Variants in GPSM2 observed in about 807,000 individuals in gnomAD.
The protein encoded by GPSM2 is G protein-signaling modulator 2.
Under a neutral mutation model 78.4 loss-of-function variants are expected in GPSM2, and 58 were observed. The ratio of observed to expected loss-of-function variants is 0.74; its 90% CI spans 0.60 to 0.92. The LOEUF (loss-of-function observed/expected upper bound fraction) is 0.92. Among genes scored for constraint, GPSM2 ranks in the 40% least tolerant of loss-of-function variants. The pLI is 0.00. For synonymous variants in GPSM2, 224 were observed against 280.2 expected, an observed-to-expected ratio of 0.80 and a Z score of 2.00; for missense variants, 700 against 815.5, an observed-to-expected ratio of 0.86 and a Z score of 1.73.
rs1650351045 is a variant in GPSM2 at position 108,917,621 on chromosome 1, T to TG, written c.1264-992_1264-991insG. Among the ~76,000 whole-genome samples the TG allele has an allele frequency of 3.3e-4, 3 of 9,130 alleles. 1 individual carries two copies. In the East Asian group the frequency reaches 5.9e-3, roughly 18 times the overall value. The allele number at this position is 9,130 out of a possible 152,430, so 6.0% of individuals were successfully genotyped here. Reference sequence around the variant, plus strand: ...ACACACACACACACACATATATATATATATATATATATATATATATATATA... The same window carrying TG: ...ACACACACACACACACATATATATATGATATATATATATATATATATATATA... On this transcript the variant is annotated intron_variant, in intron 11 of 14. Coordinates refer to ENST00000264126, the MANE Select transcript of GPSM2 (RefSeq NM_013296.5).
At position 108,934,432 on chromosome 1, in the gene GPSM2, T is replaced by G; in HGVS notation, c.*4492T>G. On this transcript the variant is annotated 3_prime_UTR_variant, in exon 15 of 15. Transcript: ENST00000264126. ...CATCTGTTCATCTTAAAATAAACAC[T>G]TCTTACTTTATGGGATGTAAATATC... 1 of 505,404 alleles carries G rather than the reference T, an allele frequency of 2.0e-6. No homozygotes were observed. The highest frequency in any genetic ancestry group is 3.5e-6 in the Non-Finnish European group (1 of 289,550). 31.3% of individuals were successfully genotyped at this position (505,404 alleles called of 1,614,324 possible). A position where few individuals can be genotyped will look rare whatever the true frequency, so the allele number is the denominator to read the frequency against.
intron 11 of GPSM2, among the ~76,000 whole-genome samples, chr1:108,917,611 C>CACATAT (rs1312607573): frequency 1.1e-3 from 24 of 22,624 alleles, no homozygotes; most frequent in South Asian, 2.4e-3. Context: ...CACACACACA[C>CACATAT]ATATATATAT....
Position 108,930,176 on chromosome 1 carries a change from T to C in GPSM2, c.*236T>C. 1 of 475,544 alleles carries C rather than the reference T, an allele frequency of 2.1e-6. No homozygotes were observed. The highest frequency in any genetic ancestry group is 3.7e-6 in the Non-Finnish European group (1 of 269,296). 29.5% of individuals were successfully genotyped at this position (475,544 alleles called of 1,614,324 possible). On this transcript the variant is annotated 3_prime_UTR_variant, in exon 15 of 15. Coordinates refer to ENST00000264126, the MANE Select transcript of GPSM2 (RefSeq NM_013296.5). The stretch of plus-strand genomic sequence containing the variant: ...GTCTGTGATTACTGCTTGGGATGTG[T>C]TCTTTGGCAGCTTGTGAGATTACTT...
chr1:108,917,424 G>A (rs543244937), intron 11 of GPSM2, among the ~76,000 whole-genome samples: 10 of 150,730 alleles, frequency 6.6e-5, no homozygotes, highest in East Asian at 2.0e-4. Flanking sequence ...AAAATTAGCC[G>A]GGCATGGTGG....
At chr1:108,925,962 G>T (rs1651087037) in intron 14 of GPSM2, among the ~76,000 whole-genome samples, 1 of 152,094 alleles carries the variant, frequency 6.6e-6, no homozygotes, top group Non-Finnish European at 1.5e-5. Context: ...AGGGAAAGCA[G>T]AGTACGGATT....
At chr1:108,899,459 C>T (rs1009554523) in intron 7 of GPSM2, among the ~76,000 whole-genome samples, 3 of 152,136 alleles carry the variant, frequency 2.0e-5, no homozygotes, top group African/African-American at 7.2e-5. Context: ...GAATTTTTTT[C>T]TCTACCTTCC....
intron 6 of GPSM2, 48 bp from the exon 7 acceptor site, chr1:108,898,831 T>C (rs1193555295): frequency 1.3e-6 from 2 of 1,596,770 alleles, no homozygotes; most frequent in African/African-American, 1.3e-5. Context: ...GATTAGATCA[T>C]TCTTCAGTTT....
rs1456647815 is a variant in GPSM2, at chr1:108,929,831, T to C, written c.1946T>C (p.Leu649Pro). Residue 649 changes from leucine to proline, a missense_variant, in exon 15 of 15, where the codon CTT becomes CCT. Physicochemically the swap from Leu to Pro is moderately conservative, Grantham distance 98. Transcript: ENST00000264126. ...QGKRMDEQRV[L>P]LQRDQNRDTD... ...AAGAGAATGGATGAACAGAGAGTTC[T>C]TTTACAAAGAGATCAAAACAGAGAC... 3 of 1,613,978 alleles carry C rather than the reference T, an allele frequency of 1.9e-6. No individual in the cohort carries two copies. The highest frequency in any genetic ancestry group is 2.2e-5 in the South Asian group (2 of 91,092).
intron 1 of GPSM2, among the ~76,000 whole-genome samples, chr1:108,880,467 A>G (rs967066783): frequency 6.6e-6 from 1 of 151,842 alleles, no homozygotes; most frequent in African/African-American, 2.4e-5. Flanking sequence ...GGTGCTGGGC[A>G]CCTGTGGGAG....
intron 2 of GPSM2, among the ~76,000 whole-genome samples, chr1:108,894,903 C>T (rs1203941012): frequency 3.3e-5 from 5 of 152,160 alleles, no homozygotes; most frequent in African/African-American, 1.2e-4. Flanking sequence ...TCATCAGGTA[C>T]ATTTTCTACT....
chr1:108,918,576 G>T, intron 11 of GPSM2, 37 bp from the exon 12 acceptor site: 2 of 1,464,662 alleles, frequency 1.4e-6, no homozygotes, highest in Non-Finnish European at 1.9e-6. Context: ...GGATTTGGGG[G>T]TGTTTATTCA....
intron 10 of GPSM2, among the ~76,000 whole-genome samples, chr1:108,913,103 A>G (rs1649894585): frequency 6.6e-6 from 1 of 152,174 alleles, no homozygotes; most frequent in Admixed American, 6.6e-5. Context: ...TGGGATAGAA[A>G]TTGGTATACC....
In GPSM2 at chr1:108,932,301, A is replaced by G. The variant is rs943425178; in HGVS notation, c.*2361A>G. On this transcript the variant is annotated 3_prime_UTR_variant, in exon 15 of 15. Coordinates refer to ENST00000264126, the MANE Select transcript of GPSM2 (RefSeq NM_013296.5). ...AAGTAAAATTTCAAAAAAGCTTCAC[A>G]ATATAAACCTTAATTTTAATGACAT... 1.3e-5 allele frequency: 2 copies of G among 152,144 alleles called. No individual in the cohort carries two copies. The highest frequency in any genetic ancestry group is 1.3e-4 in the Admixed American group (2 of 15,264). 9.4% of individuals were successfully genotyped at this position (152,144 alleles called of 1,614,324 possible).
intron 13 of GPSM2, 136 bp downstream of exon 13, chr1:108,922,712 T>C: frequency 2.4e-6 from 2 of 827,120 alleles, no homozygotes; most frequent in South Asian, 1.4e-5. Context: ...AATGCTGTTA[T>C]TTATACAGTT....
intron 14 of GPSM2, among the ~76,000 whole-genome samples, chr1:108,925,820 TG>T (rs971289517): frequency 2.6e-5 from 4 of 151,004 alleles, no homozygotes; most frequent in East Asian, 1.9e-4. Flanking sequence ...AAGGCAAATG[TG>T]GGGTTTTTTT....
rs749098259 is a variant in GPSM2 at position 108,918,731 on chromosome 1, C to T, written c.1382C>T (p.Thr461Ile). The T allele has an allele frequency of 3.7e-6, 6 of 1,613,482 alleles. No individual in the cohort carries two copies. In the Admixed American group the frequency reaches 1.0e-4, roughly 27 times the overall value. The change falls in exon 12 of 15, where the codon ACT becomes ATT. Residue 461 changes from threonine to isoleucine, a missense_variant. Coordinates refer to ENST00000264126, the MANE Select transcript of GPSM2 (RefSeq NM_013296.5). Reference protein sequence around the residue: ...KGKKYKTNSSTKVLQDASNSI... With the variant: ...KGKKYKTNSSIKVLQDASNSI... Reference sequence around the variant, plus strand: ...AAAAAATACAAAACGAATTCCTCCACTAAAGTTCTCCAAGATGCCAGTAAT... The same window carrying T: ...AAAAAATACAAAACGAATTCCTCCATTAAAGTTCTCCAAGATGCCAGTAAT...
intron 10 of GPSM2, among the ~76,000 whole-genome samples, chr1:108,912,690 G>A (rs1649850906): frequency 6.6e-6 from 1 of 151,886 alleles, no homozygotes; most frequent in African/African-American, 2.4e-5. Context: ...GCTGCAGTGA[G>A]CTGTGATTGC....
rs201803860 is a variant in GPSM2 at position 108,929,704 on chromosome 1, T to C, written c.1819T>C (p.Ser607Pro). Residue 607 changes from serine to proline, a missense_variant, in exon 15 of 15, where the codon TCC becomes CCC. Physicochemically the swap from Ser to Pro is moderately conservative, Grantham distance 74 (BLOSUM62 -1). Transcript: ENST00000264126. Reference protein sequence around the residue: ...FFDILVKCQGSRLDDQRCAPP... With the variant: ...FFDILVKCQGPRLDDQRCAPP... ...AATCTCTCTCATAAACTTCTAGGGA[T>C]CCAGATTAGATGATCAAAGATGTGC... is the stretch of plus-strand genomic sequence containing the variant. 6.2e-7 allele frequency: 1 copy of C among 1,613,142 alleles called. No individual in the cohort carries two copies. The highest frequency in any genetic ancestry group is 8.5e-7 in the Non-Finnish European group (1 of 1,179,238).
intron 10 of GPSM2, among the ~76,000 whole-genome samples, chr1:108,912,289 ATAAG>A (rs1461161911): frequency 6.6e-6 from 1 of 152,240 alleles, no homozygotes; most frequent in Non-Finnish European, 1.5e-5. Flanking sequence ...CTTTACAGAT[ATAAG>A]TAATAAGACA....
Sources: allele counts gnomAD v4.1 joint callset (sites outside exome capture counted in the v4.1 genomes callset), GRCh38; gene constraint gnomAD v4.1.1; transcripts MANE v1.5; gene names NCBI Gene and HGNC (gene_info 2026-07-23, HGNC 2026-07-21).